Variants in CLCN1 observed in about 807,000 individuals in gnomAD.
The protein encoded by CLCN1 is chloride voltage-gated channel 1.
In CLCN1, 100 loss-of-function variants were observed where a neutral mutation model predicts 114.5. The observed-to-expected ratio is 0.87, with a 90% CI of 0.74 to 1.03. CLCN1 has a LOEUF of 1.03. Ranked by LOEUF, CLCN1 falls within the 50% of genes least tolerant of loss-of-function variation. CLCN1 has a pLI of 0.00. For synonymous variants in CLCN1, 485 were observed against 487.1 expected (o/e 1.00, Z 0.06); for missense variants, 1,188 against 1,250.0 (o/e 0.95, Z 0.75).
In CLCN1 at chr7:143,321,939, G is replaced by T; in HGVS notation, c.696+91G>T. The T allele has an allele frequency of 6.9e-7, 1 of 1,455,758 alleles. No homozygotes were observed. Among genetic ancestry groups the T allele is most frequent in the East Asian group, 2.4e-5 (1 of 41,742 alleles). The allele number at this position is 1,455,758 out of a possible 1,614,324, so 90.2% of individuals were successfully genotyped here. ...TAGAGGGAGCTCTGGGAGTGGAAGT[G>T]GATCAGGGGACAGGACCAAGGCCAG... On this transcript the variant is annotated intron_variant, in intron 5 of 22. Transcript: ENST00000343257. This position sits in a 1 kb window ranked among gnomAD's most constrained non-coding sequence, Gnocchi z 4.2.
chr7:143,345,152 T>G (rs1480310350), intron 16 of CLCN1, among the ~76,000 whole-genome samples: 2 of 152,236 alleles, frequency 1.3e-5, no homozygotes, highest in African/African-American at 4.8e-5. Context: ...TAGACTTCTT[T>G]CAAAGCGTGT....
At chr7:143,347,066 G>T (rs188189172) in intron 20 of CLCN1, 117 bp downstream of exon 20, 13 of 939,908 alleles carry the variant, frequency 1.4e-5, no homozygotes, top group Non-Finnish European at 2.3e-5. Context: ...TGGATGGGAA[G>T]TGTTTTGAGA....
chr7:143,320,854 C>G, intron 3 of CLCN1, 59 bp downstream of exon 3: 1 of 1,601,376 alleles, frequency 6.2e-7, no homozygotes, highest in Non-Finnish European at 8.6e-7. Flanking sequence ...CTAGGGTAAG[C>G]AGGGTGTGTT....
In CLCN1 at chr7:143,330,810, G is replaced by A. The variant is rs764100025; in HGVS notation, c.892G>A (p.Ala298Thr). 8 of 1,614,206 alleles carry A rather than the reference G, an allele frequency of 5.0e-6. No individual in the cohort carries two copies. The East Asian group carries it at 1.6e-4, about 31-fold the overall frequency. The change falls in exon 8 of 23, where the codon GCT (alanine) becomes ACT (threonine). Residue 298 changes from alanine (A) to threonine (T), a missense_variant. By Grantham distance (58) the Ala-to-Thr change is moderately conservative. Transcript: ENST00000343257. ...FSIEVTSTYF[A>T]VRNYWRGFFA... ...CATCGAGGTCACCTCCACCTACTTTGCTGTTCGGAACTACTGGAGAGGATT... is the reference window on the plus strand; with the variant it reads ...CATCGAGGTCACCTCCACCTACTTTACTGTTCGGAACTACTGGAGAGGATT...
chr7:143,323,612 G>C (rs1419566235), intron 6 of CLCN1: 2 of 672,984 alleles, frequency 3.0e-6, no homozygotes, highest in East Asian at 6.0e-5. Context: ...TCTTTCACCT[G>C]TGGCCCCACA....
rs754445010 is a variant in CLCN1 at position 143,350,682 on chromosome 7, G to T, written c.2595+28G>T. On this transcript the variant is annotated intron_variant, in intron 22 of 22. Coordinates refer to ENST00000343257, the MANE Select transcript of CLCN1 (RefSeq NM_000083.3). This position sits in a 1 kb window ranked among gnomAD's most constrained non-coding sequence, Gnocchi z 5.1. ...AATCACGATGTGTCCCATTTGAGCA[G>T]CAGGAGGGAGGCTGGGCATAGGATA... 4 of 1,557,392 alleles carry T rather than the reference G, an allele frequency of 2.6e-6. No homozygotes were observed. The Admixed American group carries it at 6.7e-5, about 26-fold the overall frequency.
intron 14 of CLCN1, among the ~76,000 whole-genome samples, chr7:143,340,046 C>A (rs1304282219): frequency 1.3e-5 from 2 of 152,200 alleles, no homozygotes; most frequent in Non-Finnish European, 2.9e-5. Flanking sequence ...CTAGACTTCT[C>A]CTGCCACTTG....
rs1802434344 is a variant in CLCN1, at chr7:143,321,537, G to A, written c.562+44G>A. 1.2e-6 allele frequency: 2 copies of A among 1,613,428 alleles called. No homozygotes were observed. Among genetic ancestry groups the A allele is most frequent in the Non-Finnish European group, 1.7e-6 (2 of 1,179,984 alleles). ...ACTCGGCCTGAGCTGGGTGGCCTGA[G>A]AGGGGCCCTGTCTGTCTCCCCCATC... On this transcript the variant is annotated intron_variant, in intron 4 of 22. Coordinates refer to ENST00000343257, the MANE Select transcript of CLCN1 (RefSeq NM_000083.3). This position sits in a 1 kb window ranked among gnomAD's most constrained non-coding sequence, Gnocchi z 4.2.
At chr7:143,319,638 A>C in intron 1 of CLCN1, 117 bp from the exon 2 acceptor site, 1 of 1,079,156 alleles carries the variant, frequency 9.3e-7, no homozygotes, top group East Asian at 2.4e-5. Context: ...CATGCAGTCA[A>C]CACCCAGAAT....
At position 143,331,603 on chromosome 7, in the gene CLCN1, A is replaced by T. The variant is rs1204054164; in HGVS notation, c.1117A>T (p.Met373Leu). The change falls in exon 10 of 23, where the codon ATG (methionine) becomes TTG (leucine). Residue 373 changes from methionine to leucine, a missense_variant. By Grantham distance (15) the Met-to-Leu change is conservative. Transcript: ENST00000343257. The part of the protein sequence containing the change: ...AVFVYLHRQV[M>L]LGVRKHKALS... ...ATTTGTGTATCTGCATCGCCAAGTCATGCTCGGTGTCCGAAAGCACAAGGC... is the reference window on the plus strand; with the variant it reads ...ATTTGTGTATCTGCATCGCCAAGTCTTGCTCGGTGTCCGAAAGCACAAGGC... 1 of 1,614,046 alleles carries T rather than the reference A, an allele frequency of 6.2e-7. No homozygotes were observed. The highest frequency in any genetic ancestry group is 2.2e-5 in the East Asian group (1 of 44,890).
chr7:143,347,448 C>A (rs1245836971), intron 20 of CLCN1, among the ~76,000 whole-genome samples: 1 of 151,104 alleles, frequency 6.6e-6, no homozygotes, highest in Non-Finnish European at 1.5e-5. Context: ...TGGTGAAACT[C>A]CATTTCTACT....
chr7:143,329,563 G>A (rs1802667602), intron 7 of CLCN1, among the ~76,000 whole-genome samples: 1 of 152,158 alleles, frequency 6.6e-6, no homozygotes, highest in South Asian at 2.1e-4. Flanking sequence ...AGAGAAGGTG[G>A]TGGTCCTGGG....
rs2116397381 is a variant in CLCN1 at position 143,350,556 on chromosome 7, C to T, written c.2509-12C>T. ...CAAGGAACATGCACTGACCTGTGCT[C>T]TTCATCCTCAGACTCATACCCTGTT... On this transcript the variant is annotated splice_polypyrimidine_tract_variant and intron_variant, in intron 21 of 22. Coordinates refer to ENST00000343257, the MANE Select transcript of CLCN1 (RefSeq NM_000083.3). The surrounding 1 kb of genome is among the most constrained non-coding windows in gnomAD (Gnocchi z 5.1). The T allele has an allele frequency of 6.2e-7, 1 of 1,613,472 alleles. No individual in the cohort carries two copies. The highest frequency in any genetic ancestry group is 1.1e-5 in the South Asian group (1 of 91,072).
Position 143,350,333 on chromosome 7 carries a change from G to T in CLCN1, c.2404-39G>T. On this transcript the variant is annotated intron_variant, in intron 20 of 22. Transcript: ENST00000343257. The surrounding 1 kb of genome is among the most constrained non-coding windows in gnomAD (Gnocchi z 5.1). ...AATCAGGTATCTGGGGTGAAAGGAG[G>T]CTCTGTGATTTTCGTGACTTTCCTC... 2 of 1,537,546 alleles carry T rather than the reference G, an allele frequency of 1.3e-6. No individual in the cohort carries two copies. The highest frequency in any genetic ancestry group is 1.8e-6 in the Non-Finnish European group (2 of 1,113,334).
intron 5 of CLCN1, 103 bp from the exon 6 acceptor site, chr7:143,323,206 C>G: frequency 1.3e-6 from 1 of 759,126 alleles, no homozygotes. Flanking sequence ...GTATTTCCAG[C>G]CCCTGGCACA....
rs1327582878 is a variant in CLCN1, at chr7:143,320,680, G to A, written c.318G>A (p.Leu106=). The A allele has an allele frequency of 1.2e-6, 2 of 1,613,314 alleles. No homozygotes were observed. Among genetic ancestry groups the A allele is most frequent in the South Asian group, 1.1e-5 (1 of 91,054 alleles). ...YSKCQDCIHR[L]GQVVRRKLGE... The stretch of plus-strand genomic sequence containing the variant: ...TCTTCCTAGATTGTATCCACCGCCT[G>A]GGACAGGTGGTGAGAAGAAAATTAG... The change falls in exon 3 of 23, where the codon CTG becomes CTA. Residue 106 remains leucine (L), a synonymous_variant. Transcript: ENST00000343257.
In CLCN1 at chr7:143,345,671, G is replaced by A; in HGVS notation, c.2081G>A (p.Gly694Glu). ...LPYDGKARLA[G>E]EGLPGAPPGR... is the part of the protein sequence containing the mutation. ...TACGACGGGAAGGCGCGGCTGGCTG[G>A]GGAGGGGCTCCCCGGCGCGCCTCCA... Residue 694 changes from glycine (G) to glutamate (E), a missense_variant, in exon 17 of 23, where the codon GGG (glycine) becomes GAG (glutamate). Transcript: ENST00000343257. 2 of 1,564,234 alleles carry A rather than the reference G, an allele frequency of 1.3e-6. No individual in the cohort carries two copies. Among genetic ancestry groups the A allele is most frequent in the African/African-American group, 1.4e-5 (1 of 73,860 alleles).
intron 12 of CLCN1, among the ~76,000 whole-genome samples, chr7:143,337,348 T>C (rs951740582): frequency 7.2e-5 from 11 of 152,208 alleles, no homozygotes; most frequent in Non-Finnish European, 1.5e-4. Flanking sequence ...CAGTCTCTAT[T>C]CTCTTCATTT....
intron 6 of CLCN1, 103 bp downstream of exon 6, chr7:143,323,489 G>A (rs758062410): frequency 2.4e-6 from 2 of 849,346 alleles, no homozygotes; most frequent in Non-Finnish European, 4.1e-6. Context: ...GCTGGCTGTG[G>A]TGCTGAAGCA....
Sources: gnomAD v4.1 joint callset for allele counts (sites outside exome capture counted in the v4.1 genomes callset) on GRCh38, gnomAD v4.1.1 for gene constraint, Gnocchi (gnomAD v3.1) non-coding constraint, MANE v1.5 for transcripts, NCBI Gene and HGNC (gene_info 2026-07-23, HGNC 2026-07-21) for gene names.